Variants in HOXC12 observed in about 807,000 individuals in gnomAD.
The protein encoded by HOXC12 is homeobox C12.
A neutral mutation model predicts 20.9 loss-of-function variants in HOXC12; 24 were observed. The ratio of observed to expected loss-of-function variants is 1.15; its 90% confidence interval spans 0.83 to 1.61. The LOEUF (loss-of-function observed/expected upper bound fraction) is 1.61. HOXC12 is among the 40% of genes most tolerant of loss of function. The probability of loss-of-function intolerance (pLI) is 0.00; values close to 1 mark genes in which losing one functional copy is unlikely to be tolerated. For synonymous variants in HOXC12, 202 were observed against 197.7 expected (o/e 1.02, Z -0.18); for missense variants, 436 against 406.9 (o/e 1.07, Z -0.62).
chr12:53,955,657 T>C, intron 1 of HOXC12, 118 bp downstream of exon 1: 2 of 1,173,800 alleles, frequency 1.7e-6, no homozygotes, highest in Non-Finnish European at 2.2e-6. Context: ...GAAGAGCTTC[T>C]TATAAAATGA....
Position 53,955,031 on chromosome 12 carries a change from G to C in HOXC12, c.102G>C (p.Ala34=), listed in dbSNP as rs1343263523. The change falls in exon 1 of 2, where the codon GCG becomes GCC. Residue 34 remains alanine (A), a synonymous_variant. Transcript: ENST00000243103. The stretch of plus-strand genomic sequence containing the variant: ...TCCCCAACTTCCGCGCGTCCGGGGC[G>C]CAGCTTCCCGGGCTGCCTTCGCTGT... The part of the protein sequence containing the change: ...FYFPNFRASG[A]QLPGLPSLSY... The C allele has an allele frequency of 6.2e-7, 1 of 1,613,944 alleles. No homozygotes were observed. The highest frequency in any genetic ancestry group is 2.2e-5 in the East Asian group (1 of 44,888).
chr12:53,955,323 C>T lies in HOXC12; in HGVS notation c.394C>T (p.Pro132Ser). 7.5e-7 allele frequency: 1 copy of T among 1,329,174 alleles called. No individual in the cohort carries two copies. The allele number at this position is 1,329,174 out of a possible 1,614,324, so 82.3% of individuals were successfully genotyped here. A position where few individuals can be genotyped will look rare whatever the true frequency, so the allele number is the denominator to read the frequency against. Residue 132 changes from proline (P) to serine (S), a missense_variant, in exon 1 of 2, where the codon CCG becomes TCG. Coordinates refer to ENST00000243103, the MANE Select transcript of HOXC12 (RefSeq NM_173860.3). Reference sequence around the variant, plus strand: ...GCTGCTCCCGCTGGAGCCGTCGGGGCCGCCTGCGCTCGGCTTCAAGTACGA... The same window carrying T: ...GCTGCTCCCGCTGGAGCCGTCGGGGTCGCCTGCGCTCGGCTTCAAGTACGA... ...AALLPLEPSG[P>S]PALGFKYDYA... is the part of the protein sequence containing the mutation.
At position 53,955,047 on chromosome 12, in the gene HOXC12, C is replaced by A. The variant is rs778085485; in HGVS notation, c.118C>A (p.Pro40Thr). Residue 40 changes from proline (P) to threonine (T), a missense_variant, in exon 1 of 2, where the codon CCT (proline) becomes ACT (threonine). Pro to Thr is a conservative substitution (Grantham distance 38, BLOSUM62 -1). Coordinates refer to ENST00000243103, the MANE Select transcript of HOXC12 (RefSeq NM_173860.3). The stretch of plus-strand genomic sequence containing the variant: ...GTCCGGGGCGCAGCTTCCCGGGCTG[C>A]CTTCGCTGTCCTACCCACGCCGCGA... ...RASGAQLPGL[P>T]SLSYPRRDNV... is the part of the protein sequence containing the mutation. The A allele has an allele frequency of 1.2e-6, 2 of 1,613,866 alleles. No individual in the cohort carries two copies. The highest frequency in any genetic ancestry group is 1.1e-5 in the South Asian group (1 of 91,050).
At position 53,956,512 on chromosome 12, in the gene HOXC12, G is replaced by T; in HGVS notation, c.795G>T (p.Arg265=). ...DQQVKIWFQN[R]RMKKKRLLLR... ...AGGTCAAGATCTGGTTTCAGAACCG[G>T]AGAATGAAAAAGAAAAGACTTCTGT... The change falls in exon 2 of 2, where the codon CGG becomes CGT. Residue 265 remains arginine, a synonymous_variant. Transcript: ENST00000243103. The T allele has an allele frequency of 1.2e-6, 2 of 1,613,962 alleles. No homozygotes were observed. The highest frequency in any genetic ancestry group is 2.7e-5 in the African/African-American group (2 of 75,030).
rs2136365944 is a variant in HOXC12 at position 53,957,723 on chromosome 12, C to G, written c.*1157C>G. On this transcript the variant is annotated 3_prime_UTR_variant, in exon 2 of 2. Coordinates refer to ENST00000243103, the MANE Select transcript of HOXC12 (RefSeq NM_173860.3). ...CCCGTGAGAATGAAGGAGGGGGGCG[C>G]TCCAGCCCCCCACCCAACTCCCTTC... is the stretch of plus-strand genomic sequence containing the variant. 6.6e-6 allele frequency: 1 copy of G among 152,576 alleles called. No homozygotes were observed. The highest frequency in any genetic ancestry group is 2.4e-5 in the African/African-American group (1 of 41,598). 9.5% of individuals were successfully genotyped at this position (152,576 alleles called of 1,614,324 possible). A position where few individuals can be genotyped will look rare whatever the true frequency, so the allele number is the denominator to read the frequency against.
In HOXC12 at chr12:53,956,655, G is replaced by C. The variant is rs1403033164; in HGVS notation, c.*89G>C. On this transcript the variant is annotated 3_prime_UTR_variant, in exon 2 of 2. Coordinates refer to ENST00000243103, the MANE Select transcript of HOXC12 (RefSeq NM_173860.3). ...CCGCCTAGAACACAGTCCCCACTTA[G>C]AACGCCAGGCGTCTCTGGCAGGCCC... 2.1e-6 allele frequency: 2 copies of C among 950,278 alleles called. No homozygotes were observed. Among genetic ancestry groups the C allele is most frequent in the East Asian group, 2.5e-5 (1 of 40,400 alleles). 58.9% of individuals were successfully genotyped at this position (950,278 alleles called of 1,614,324 possible).
Position 53,956,476 on chromosome 12 carries a change from T to C in HOXC12, c.759T>C (p.Leu253=), listed in dbSNP as rs1470078531. Residue 253 remains leucine, a synonymous_variant, in exon 2 of 2, where the codon CTT becomes CTC. Coordinates refer to ENST00000243103, the MANE Select transcript of HOXC12 (RefSeq NM_173860.3). The part of the protein sequence containing the change: ...RRRELSDRLN[L]SDQQVKIWFQ... ...GGGAACTCTCAGACCGCTTGAATCT[T>C]AGTGACCAGCAGGTCAAGATCTGGT... 3.7e-6 allele frequency: 6 copies of C among 1,614,068 alleles called. No homozygotes were observed. Among genetic ancestry groups the C allele is most frequent in the Non-Finnish European group, 5.1e-6 (6 of 1,180,040 alleles).
chr12:53,955,577 C>T, intron 1 of HOXC12, 38 bp downstream of exon 1: 2 of 1,381,290 alleles, frequency 1.4e-6, no homozygotes, highest in South Asian at 1.6e-5. Flanking sequence ...GATTCAAACC[C>T]GACCTCTTAC....
rs1172555923 is a variant in HOXC12, at chr12:53,954,938, G to A, written c.9G>A (p.Glu3=). The A allele has an allele frequency of 1.2e-6, 2 of 1,610,490 alleles. No homozygotes were observed. The highest frequency in any genetic ancestry group is 4.5e-5 in the East Asian group (2 of 44,784). Residue 3 remains glutamate (E), a synonymous_variant, in exon 1 of 2, where the codon GAG becomes GAA. Transcript: ENST00000243103. The stretch of plus-strand genomic sequence containing the variant: ...GGTCGGGCCCCGCGGAAATGGGCGA[G>A]CATAATCTCCTGAATCCCGGGTTTG... The part of the protein sequence containing the change: MG[E]HNLLNPGFVG...
In HOXC12 at chr12:53,956,995, T is replaced by A. The variant is rs1412925296; in HGVS notation, c.*429T>A. On this transcript the variant is annotated 3_prime_UTR_variant, in exon 2 of 2. Transcript: ENST00000243103. ...GCAGGGCCAGTGGAACCAAGGCACC[T>A]CAACCTCACAGTTCCTGGGGTTAGA... The A allele has an allele frequency of 1.3e-5, 2 of 155,254 alleles. No homozygotes were observed. Among genetic ancestry groups the A allele is most frequent in the Non-Finnish European group, 2.8e-5 (2 of 70,200 alleles). The allele number at this position is 155,254 out of a possible 1,614,324, so 9.6% of individuals were successfully genotyped here.
rs747091631 is a variant in HOXC12, at chr12:53,956,282, C to A, written c.611-46C>A. ...GAAGGGCCAAGGGCACTGGACTGGT[C>A]ACCCTTTGATCCTTTGGCCAACCCC... On this transcript the variant is annotated intron_variant, in intron 1 of 1. Transcript: ENST00000243103. 21 of 1,494,416 alleles carry A rather than the reference C, an allele frequency of 1.4e-5. No individual in the cohort carries two copies. In the African/African-American group the frequency reaches 2.7e-4, roughly 19 times the overall value. The allele number at this position is 1,494,416 out of a possible 1,614,324, so 92.6% of individuals were successfully genotyped here.
Position 53,954,987 on chromosome 12 carries a change from A to G in HOXC12, c.58A>G (p.Thr20Ala), listed in dbSNP as rs1938827454. Residue 20 changes from threonine (T) to alanine (A), a missense_variant, in exon 1 of 2, where the codon ACG becomes GCG. By Grantham distance (58) the Thr-to-Ala change is moderately conservative. Coordinates refer to ENST00000243103, the MANE Select transcript of HOXC12 (RefSeq NM_173860.3). ...TGTGGGGCCGCTGGTAAACATCCAC[A>G]CGGGAGACACCTTCTACTTCCCCAA... ...GFVGPLVNIH[T>A]GDTFYFPNFR... 1 of 1,614,038 alleles carries G rather than the reference A, an allele frequency of 6.2e-7. No individual in the cohort carries two copies. Among genetic ancestry groups the G allele is most frequent in the Admixed American group, 1.7e-5 (1 of 60,006 alleles).
In HOXC12 at chr12:53,956,840, G is replaced by T; in HGVS notation, c.*274G>T. 1 of 347,132 alleles carries T rather than the reference G, an allele frequency of 2.9e-6. No homozygotes were observed. Among genetic ancestry groups the T allele is most frequent in the Admixed American group, 4.6e-5 (1 of 21,798 alleles). 21.5% of individuals were successfully genotyped at this position (347,132 alleles called of 1,614,324 possible). ...GGGGCAGGAAGGCTGAGGTGCTGCG[G>T]GCTGGTTTATTTGAGGCAGGACTGG... is the stretch of plus-strand genomic sequence containing the variant. On this transcript the variant is annotated 3_prime_UTR_variant, in exon 2 of 2. Coordinates refer to ENST00000243103, the MANE Select transcript of HOXC12 (RefSeq NM_173860.3).
At position 53,958,396 on chromosome 12, in the gene HOXC12, C is replaced by T. The variant is rs534769478; in HGVS notation, c.*1830C>T. On this transcript the variant is annotated 3_prime_UTR_variant, in exon 2 of 2. Transcript: ENST00000243103. ...GGAGATAAAATCACATGCCTCCATCCCCCGCTGGGTATCTGACACCTGACA... is the reference window on the plus strand; with the variant it reads ...GGAGATAAAATCACATGCCTCCATCTCCCGCTGGGTATCTGACACCTGACA... The T allele has an allele frequency of 6.6e-6, 1 of 152,442 alleles. No individual in the cohort carries two copies. Among genetic ancestry groups the T allele is most frequent in the South Asian group, 2.1e-4 (1 of 4,824 alleles). 9.4% of individuals were successfully genotyped at this position (152,442 alleles called of 1,614,324 possible). A position where few individuals can be genotyped will look rare whatever the true frequency, so the allele number is the denominator to read the frequency against.
At position 53,956,445 on chromosome 12, in the gene HOXC12, G is replaced by A. The variant is rs754605519; in HGVS notation, c.728G>A (p.Arg243His). The change falls in exon 2 of 2, where the codon CGC becomes CAC. Residue 243 changes from arginine (R) to histidine (H), a missense_variant. Arg to His is a conservative substitution (Grantham distance 29, BLOSUM62 0). Coordinates refer to ENST00000243103, the MANE Select transcript of HOXC12 (RefSeq NM_173860.3). ...FLVNEFITRQ[R>H]RRELSDRLNL... ...GTCAACGAGTTCATCACACGCCAGC[G>A]CCGGAGGGAACTCTCAGACCGCTTG... 5.6e-6 allele frequency: 9 copies of A among 1,614,158 alleles called. No homozygotes were observed. The highest frequency in any genetic ancestry group is 3.3e-5 in the South Asian group (3 of 91,072).
At position 53,955,481 on chromosome 12, in the gene HOXC12, A is replaced by G; in HGVS notation, c.552A>G (p.Ala184=). 6.7e-7 allele frequency: 1 copy of G among 1,499,488 alleles called. No homozygotes were observed. Among genetic ancestry groups the G allele is most frequent in the Non-Finnish European group, 8.8e-7 (1 of 1,130,594 alleles). 92.9% of individuals were successfully genotyped at this position (1,499,488 alleles called of 1,614,324 possible). ...LLNEGNKGAG[A]GDPGSLVSPL... is the part of the protein sequence containing the mutation. Reference sequence around the variant, plus strand: ...ACGAGGGCAACAAGGGCGCCGGCGCAGGCGACCCCGGCAGCTTGGTATCGC... The same window carrying G: ...ACGAGGGCAACAAGGGCGCCGGCGCGGGCGACCCCGGCAGCTTGGTATCGC... Residue 184 remains alanine, a synonymous_variant, in exon 1 of 2, where the codon GCA becomes GCG. Coordinates refer to ENST00000243103, the MANE Select transcript of HOXC12 (RefSeq NM_173860.3).
At position 53,954,988 on chromosome 12, in the gene HOXC12, C is replaced by T; in HGVS notation, c.59C>T (p.Thr20Met). ...GTGGGGCCGCTGGTAAACATCCACA[C>T]GGGAGACACCTTCTACTTCCCCAAC... ...GFVGPLVNIHTGDTFYFPNFR... is the reference protein window; with the variant it reads ...GFVGPLVNIHMGDTFYFPNFR... The change falls in exon 1 of 2, where the codon ACG (threonine) becomes ATG (methionine). Residue 20 changes from threonine (T) to methionine (M), a missense_variant. Coordinates refer to ENST00000243103, the MANE Select transcript of HOXC12 (RefSeq NM_173860.3). 6.2e-7 allele frequency: 1 copy of T among 1,614,230 alleles called. No homozygotes were observed.
chr12:53,956,215 G>T, intron 1 of HOXC12, 113 bp from the exon 2 acceptor site: 1 of 779,304 alleles, frequency 1.3e-6, no homozygotes, highest in Non-Finnish European at 2.0e-6. Context: ...GGAGAGAAAG[G>T]GCCTGGAGTC....
chr12:53,955,062 C>T lies in HOXC12; in HGVS notation c.133C>T (p.Pro45Ser). 6.2e-7 allele frequency: 1 copy of T among 1,613,652 alleles called. No individual in the cohort carries two copies. The highest frequency in any genetic ancestry group is 8.5e-7 in the Non-Finnish European group (1 of 1,179,854). ...TCCCGGGCTGCCTTCGCTGTCCTAC[C>T]CACGCCGCGACAACGTGTGCTCCCT... ...QLPGLPSLSY[P>S]RRDNVCSLSW... is the part of the protein sequence containing the mutation. The change falls in exon 1 of 2, where the codon CCA (proline) becomes TCA (serine). Residue 45 changes from proline (P) to serine (S), a missense_variant. Pro to Ser is a moderately conservative substitution (Grantham distance 74). Coordinates refer to ENST00000243103, the MANE Select transcript of HOXC12 (RefSeq NM_173860.3).
Sources: gnomAD v4.1 joint callset for allele counts on GRCh38, gnomAD v4.1.1 for gene constraint, MANE v1.5 for transcripts, NCBI Gene and HGNC (gene_info 2026-07-23, HGNC 2026-07-21) for gene names.